The following JAKMIP1 variants were observed in gnomAD, a reference collection of about 807,000 sequenced individuals.
The protein encoded by JAKMIP1 is janus kinase and microtubule-interacting protein 1.
In JAKMIP1, 33 loss-of-function variants were observed where a neutral mutation model predicts 113.0. The observed-to-expected ratio is 0.29, with a 90% confidence interval of 0.22 to 0.39. The LOEUF (loss-of-function observed/expected upper bound fraction) is 0.39. Among genes scored for constraint, JAKMIP1 ranks in the 10% least tolerant of loss-of-function variants. The probability of loss-of-function intolerance (pLI) is 1.00; values close to 1 mark genes in which losing one functional copy is unlikely to be tolerated. For missense variants in JAKMIP1, 813 were observed against 1,080.5 expected, an observed-to-expected ratio of 0.75 and a Z score of 3.47; for synonymous variants, 480 against 459.9, an observed-to-expected ratio of 1.04 and a Z score of -0.56.
rs1213529118 is a variant in JAKMIP1, at chr4:6,168,487, C to A, written c.-148+31766G>T. On this transcript the variant is annotated intron_variant, in intron 1 of 20. Transcript: ENST00000409021. The surrounding 1 kb of genome is among the most constrained non-coding windows in gnomAD (Gnocchi z 4.6). Reference sequence around the variant, plus strand: ...CATCAGAAGGAATGAAGTCTCAACACCTGCTACGACATGAATGAACCTGGA... The same window carrying A: ...CATCAGAAGGAATGAAGTCTCAACAACTGCTACGACATGAATGAACCTGGA... Among the ~76,000 whole-genome samples, 2 of 152,012 alleles carry A rather than the reference C, an allele frequency of 1.3e-5. No homozygotes were observed. Among genetic ancestry groups the A allele is most frequent in the Admixed American group, 6.5e-5 (1 of 15,276 alleles).
At chr4:6,109,403 G>C (rs568838976) in intron 2 of JAKMIP1, among the ~76,000 whole-genome samples, 54 of 151,896 alleles carry the variant, frequency 3.6e-4, no homozygotes, top group Non-Finnish European at 6.8e-4. Context: ...AAAGTGCTGA[G>C]ATTACAGGCA....
Position 6,086,982 on chromosome 4 carries a change from T to A in JAKMIP1, c.625-1353A>T, listed in dbSNP as rs1274005041. The stretch of plus-strand genomic sequence containing the variant: ...AAGTGTGGGCATGCAGACACCTTGA[T>A]TTCAATCTCCTGGCCTCCAGAACTG... On this transcript the variant is annotated intron_variant, in intron 3 of 20. Transcript: ENST00000409021. The surrounding 1 kb of genome is among the most constrained non-coding windows in gnomAD (Gnocchi z 4.1). Among the ~76,000 whole-genome samples, 2 of 152,106 alleles carry A rather than the reference T, an allele frequency of 1.3e-5. No individual in the cohort carries two copies. Among genetic ancestry groups the A allele is most frequent in the Non-Finnish European group, 2.9e-5 (2 of 68,024 alleles).
rs371322307 is a variant in JAKMIP1 at position 6,062,294 on chromosome 4, G to A, written c.1560+18C>T. ...GCCTTCGGCCCCTCCCTCGAGCCCT[G>A]AGGCTGGCTGCACTCACCCGGGCCT... On this transcript the variant is annotated intron_variant, in intron 10 of 20. Coordinates refer to ENST00000409021, the MANE Select transcript of JAKMIP1 (RefSeq NM_001099433.2). 29 of 1,611,456 alleles carry A rather than the reference G, an allele frequency of 1.8e-5. No individual in the cohort carries two copies. The African/African-American group carries it at 3.6e-4, about 20-fold the overall frequency.
rs1035098310 is a variant in JAKMIP1 at position 6,154,907 on chromosome 4, A to G, written c.-147-41910T>C. ...ACAGGAAGCCCCCTGAGACCCTCTC[A>G]CTCCACAAACCAACACAGAGCACGC... On this transcript the variant is annotated intron_variant, in intron 1 of 20. Transcript: ENST00000409021. The surrounding 1 kb of genome is among the most constrained non-coding windows in gnomAD (Gnocchi z 4.2). 6.6e-6 allele frequency among the ~76,000 whole-genome samples: 1 copy of G among 151,736 alleles called. No individual in the cohort carries two copies. Among genetic ancestry groups the G allele is most frequent in the Non-Finnish European group, 1.5e-5 (1 of 67,946 alleles).
chr4:6,062,507 G>T, intron 9 of JAKMIP1, 67 bp from the exon 10 acceptor site: 5 of 1,489,552 alleles, frequency 3.4e-6, no homozygotes, highest in East Asian at 2.4e-5. Flanking sequence ...ATTTATGATT[G>T]ATTTTAATAA....
chr4:6,132,485 T>C (rs1182942149), intron 1 of JAKMIP1, among the ~76,000 whole-genome samples: 1 of 151,654 alleles, frequency 6.6e-6, no homozygotes, highest in Non-Finnish European at 1.5e-5. Context: ...CTACTAAAAA[T>C]ACAAAAATTA....
intron 1 of JAKMIP1, among the ~76,000 whole-genome samples, chr4:6,125,783 AACACACACACACCATACAGAAAC>A (rs1560230674): frequency 4.2e-5 from 6 of 141,556 alleles, no homozygotes; most frequent in Admixed American, 2.8e-4. Context: ...ACCATGCAGA[AACACACACACACCATACAGAAAC>A]ACACACACAC....
chr4:6,071,374 T>G (rs897212438), intron 8 of JAKMIP1, among the ~76,000 whole-genome samples: 1 of 152,100 alleles, frequency 6.6e-6, no homozygotes, highest in Non-Finnish European at 1.5e-5. Flanking sequence ...GGGGCGGGGC[T>G]GCAATCTGGA....
At chr4:6,060,275 G>T in intron 11 of JAKMIP1, 149 bp downstream of exon 11, 2 of 680,386 alleles carry the variant, frequency 2.9e-6, no homozygotes, top group Non-Finnish European at 5.3e-6. Flanking sequence ...TTCGTGCCTG[G>T]GTTCTGCTAG....
rs560636646 is a variant in JAKMIP1 at position 6,142,027 on chromosome 4, T to C, written c.-147-29030A>G. ...CCACCCCCACCCACTGTGAACACTC[T>C]ACTGACTTCCTTCTGGGCTGCTTTT... On this transcript the variant is annotated intron_variant, in intron 1 of 20. Transcript: ENST00000409021. The surrounding 1 kb of genome is among the most constrained non-coding windows in gnomAD (Gnocchi z 5.5). 4.7e-5 allele frequency among the ~76,000 whole-genome samples: 6 copies of C among 127,338 alleles called. No individual in the cohort carries two copies. Among genetic ancestry groups the C allele is most frequent in the African/African-American group, 1.5e-4 (5 of 33,964 alleles). The allele number at this position is 127,338 out of a possible 152,430, so 83.5% of individuals were successfully genotyped here. A position where few individuals can be genotyped will look rare whatever the true frequency, so the allele number is the denominator to read the frequency against.
chr4:6,031,194 A>T lies in JAKMIP1; in HGVS notation c.2380-1413T>A. 6.6e-6 allele frequency among the ~76,000 whole-genome samples: 1 copy of T among 152,178 alleles called. No homozygotes were observed. Among genetic ancestry groups the T allele is most frequent in the East Asian group, 1.9e-4 (1 of 5,186 alleles). Reference sequence around the variant, plus strand: ...AAGCCTGTAATCCCAGCACTTTTGGAGGCCGAGGCAGGTGGATCACCGGAG... The same window carrying T: ...AAGCCTGTAATCCCAGCACTTTTGGTGGCCGAGGCAGGTGGATCACCGGAG... On this transcript the variant is annotated intron_variant, in intron 19 of 20. Coordinates refer to ENST00000409021, the MANE Select transcript of JAKMIP1 (RefSeq NM_001099433.2). The surrounding 1 kb of genome is among the most constrained non-coding windows in gnomAD (Gnocchi z 4.4).
intron 7 of JAKMIP1, among the ~76,000 whole-genome samples, chr4:6,079,893 C>T (rs531082967): frequency 2.0e-5 from 3 of 152,344 alleles, no homozygotes; most frequent in South Asian, 4.1e-4. Context: ...AAAACTGATG[C>T]TTCTCAATCA....
At chr4:6,084,996 TC>T in intron 4 of JAKMIP1, 31 bp from the exon 5 acceptor site, 1 of 808,652 alleles carries the variant, frequency 1.2e-6, no homozygotes. Context: ...AAAAAAAAAG[TC>T]AAGACGTAAA....
At chr4:6,085,061 G>A (rs1041775552) in intron 4 of JAKMIP1, 96 bp from the exon 5 acceptor site, 17 of 1,397,226 alleles carry the variant, frequency 1.2e-5, no homozygotes, top group Non-Finnish European at 1.5e-5. Flanking sequence ...ATGACATAAT[G>A]GGTGAGATCC....
chr4:6,073,075 C>CT (rs1213214453), intron 8 of JAKMIP1, among the ~76,000 whole-genome samples: 1 of 111,270 alleles, frequency 9.0e-6, no homozygotes, highest in Non-Finnish European at 1.7e-5. Flanking sequence ...GAAACTCTGT[C>CT]TTAAAAAAAA....
chr4:6,080,113 C>G lies in JAKMIP1; in HGVS notation c.1242+59G>C. 2.6e-6 allele frequency: 4 copies of G among 1,517,794 alleles called. No individual in the cohort carries two copies. The Admixed American group carries it at 8.1e-5, about 31-fold the overall frequency. The allele number at this position is 1,517,794 out of a possible 1,614,324, so 94.0% of individuals were successfully genotyped here. A position where few individuals can be genotyped will look rare whatever the true frequency, so the allele number is the denominator to read the frequency against. On this transcript the variant is annotated intron_variant, in intron 7 of 20. Transcript: ENST00000409021. The surrounding 1 kb of genome is among the most constrained non-coding windows in gnomAD (Gnocchi z 6.0). ...TGAGCCCCAACACCCGTTCCTGACA[C>G]CCATGTCAGCTGGTGCCACCCCTGC... is the stretch of plus-strand genomic sequence containing the variant.
chr4:6,066,802 C>G (rs942924442), intron 8 of JAKMIP1, among the ~76,000 whole-genome samples: 1 of 152,144 alleles, frequency 6.6e-6, no homozygotes, highest in African/African-American at 2.4e-5. Context: ...TTAAAACCAC[C>G]AACATCCAGG....
intron 1 of JAKMIP1, among the ~76,000 whole-genome samples, chr4:6,182,490 T>C (rs1726159007): frequency 6.6e-6 from 1 of 151,832 alleles, no homozygotes; most frequent in South Asian, 2.1e-4. Context: ...CTTATTTCCT[T>C]TCTCTCTCCA....
rs778487667 is a variant in JAKMIP1 at position 6,105,909 on chromosome 4, C to T, written c.188G>A (p.Arg63Gln). The T allele has an allele frequency of 6.2e-7, 1 of 1,611,272 alleles. No individual in the cohort carries two copies. ...EAKLEREQEQ[R>Q]RHTAYISELK... ...CTCCGAAATGTAGGCCGTGTGCCGT[C>T]GCTGCTCCTGCTCGCGCTCCAGCTT... is the stretch of plus-strand genomic sequence containing the variant. The change falls in exon 3 of 21, where the codon CGA becomes CAA. Residue 63 changes from arginine to glutamine, a missense_variant. Coordinates refer to ENST00000409021, the MANE Select transcript of JAKMIP1 (RefSeq NM_001099433.2).
Sources: allele counts gnomAD v4.1 joint callset (sites outside exome capture counted in the v4.1 genomes callset), GRCh38; gene constraint gnomAD v4.1.1; non-coding constraint Gnocchi (gnomAD v3.1); transcripts MANE v1.5; gene names NCBI Gene and HGNC (gene_info 2026-07-23, HGNC 2026-07-21).